Variants in TXNDC8 observed in about 807,000 individuals in gnomAD.
TXNDC8 encodes thioredoxin domain containing 8.
In TXNDC8, 15 loss-of-function variants were observed where a neutral mutation model predicts 12.9. The ratio of observed to expected loss-of-function variants is 1.16; its 90% CI spans 0.78 to 1.79. TXNDC8 has a LOEUF of 1.79. TXNDC8 is among the 40% of genes most tolerant of loss of function. The probability of loss-of-function intolerance (pLI) is 0.00; values close to 1 mark genes in which losing one functional copy is unlikely to be tolerated. For synonymous variants in TXNDC8, 40 were observed against 35.4 expected, an observed-to-expected ratio of 1.13 and a Z score of -0.46; for missense variants, 128 against 113.2, an observed-to-expected ratio of 1.13 and a Z score of -0.59.
chr9:110,325,746 C>A (rs372075954), intron 3 of TXNDC8, among the ~76,000 whole-genome samples: 10 of 152,136 alleles, frequency 6.6e-5, no homozygotes, highest in Admixed American at 2.6e-4. Flanking sequence ...GTCTCTATCT[C>A]GTGACCTTGT....
intron 3 of TXNDC8, among the ~76,000 whole-genome samples, chr9:110,310,839 G>T (rs890951807): frequency 6.6e-6 from 1 of 152,178 alleles, no homozygotes; most frequent in African/African-American, 2.4e-5. Flanking sequence ...TGGCATAGGG[G>T]TTACAAAACT....
At chr9:110,323,155 G>A in intron 3 of TXNDC8, 2 of 985,400 alleles carry the variant, frequency 2.0e-6, no homozygotes, top group Non-Finnish European at 2.4e-6. Context: ...GCTAAGTTGA[G>A]GGTGAGGAGG....
chr9:110,331,768 C>G (rs564108414), intron 2 of TXNDC8, among the ~76,000 whole-genome samples: 1 of 152,250 alleles, frequency 6.6e-6, no homozygotes, highest in East Asian at 1.9e-4. Flanking sequence ...AGGGTTTGCA[C>G]TCCTATGAAA....
downstream of TXNDC8, among the ~76,000 whole-genome samples, chr9:110,302,026 A>G (rs574725922): frequency 9.9e-5 from 15 of 151,758 alleles, no homozygotes; most frequent in Admixed American, 2.0e-4. Context: ...GTCTCGCTCT[A>G]TTATCCAGGC....
intron 3 of TXNDC8, among the ~76,000 whole-genome samples, chr9:110,305,400 T>C (rs1264666691): frequency 6.6e-6 from 1 of 152,126 alleles, no homozygotes; most frequent in Non-Finnish European, 1.5e-5. Flanking sequence ...AGTGCTACTG[T>C]GGATGTTCTT....
chr9:110,316,158 T>A lies in TXNDC8; in HGVS notation c.195+10017A>T, dbSNP rs60516312. ...TCGAACACCTGGCCTCAAAGTGATC[T>A]GCCTGCCTCGGCCTCCCAAAGTGCT... is the stretch of plus-strand genomic sequence containing the variant. On this transcript the variant is annotated intron_variant, in intron 3 of 4. Transcript: ENST00000423740. 2.7e-5 allele frequency among the ~76,000 whole-genome samples: 4 copies of A among 150,046 alleles called. No homozygotes were observed. In the East Asian group the frequency reaches 8.1e-4, roughly 30 times the overall value.
At chr9:110,325,765 C>T (rs959054238) in intron 3 of TXNDC8, among the ~76,000 whole-genome samples, 5 of 152,116 alleles carry the variant, frequency 3.3e-5, no homozygotes, top group East Asian at 3.9e-4. Flanking sequence ...GTGATCTGCC[C>T]GCCTTGGCCT....
At chr9:110,336,773 A>G (rs1454560508) in intron 1 of TXNDC8, among the ~76,000 whole-genome samples, 1 of 152,180 alleles carries the variant, frequency 6.6e-6, no homozygotes, top group Non-Finnish European at 1.5e-5. Context: ...ATAAAAAGAA[A>G]ATGAAGTAGG....
chr9:110,324,023 G>T, intron 3 of TXNDC8: 1 of 1,547,466 alleles, frequency 6.5e-7, no homozygotes, highest in South Asian at 1.2e-5. Context: ...CATGGGATAA[G>T]AATGCAAAAG....
intron 3 of TXNDC8, among the ~76,000 whole-genome samples, chr9:110,322,000 T>C (rs992720705): frequency 2.6e-5 from 4 of 152,224 alleles, no homozygotes; most frequent in African/African-American, 9.6e-5. Flanking sequence ...TCCTCCTCCT[T>C]TTTGTATCTT....
At chr9:110,322,499 T>G in intron 3 of TXNDC8, 1 of 985,410 alleles carries the variant, frequency 1.0e-6, no homozygotes, top group Non-Finnish European at 1.2e-6. Context: ...TCTCCCCAGC[T>G]TATTGAGGGC....
chr9:110,325,885 G>T (rs1322827523), intron 3 of TXNDC8, among the ~76,000 whole-genome samples: 1 of 152,142 alleles, frequency 6.6e-6, no homozygotes, highest in Admixed American at 6.5e-5. Flanking sequence ...TTTCTTGATG[G>T]TTTTGCCCCA....
chr9:110,323,754 G>A, intron 3 of TXNDC8: 1 of 1,285,412 alleles, frequency 7.8e-7, no homozygotes, highest in East Asian at 2.7e-5. Context: ...CTCTTGGCTT[G>A]ACTCTGTTTT....
At chr9:110,315,984 G>A (rs915866365) in intron 3 of TXNDC8, among the ~76,000 whole-genome samples, 2 of 151,780 alleles carry the variant, frequency 1.3e-5, no homozygotes, top group East Asian at 1.9e-4. Flanking sequence ...TGCAACCTCC[G>A]CCTCCCGGGT....
At chr9:110,330,506 T>C (rs1214050550) in intron 2 of TXNDC8, among the ~76,000 whole-genome samples, 3 of 152,236 alleles carry the variant, frequency 2.0e-5, no homozygotes, top group African/African-American at 7.2e-5. Context: ...GCACACTATA[T>C]GTAAGCCTCA....
At chr9:110,325,560 A>G (rs1587980288) in intron 3 of TXNDC8, among the ~76,000 whole-genome samples, 1 of 133,650 alleles carries the variant, frequency 7.5e-6, no homozygotes, top group South Asian at 2.3e-4. Flanking sequence ...TCTGTCGCCC[A>G]GGCTGGATGG....
At chr9:110,333,943 T>G (rs1030585975) in intron 2 of TXNDC8, among the ~76,000 whole-genome samples, 1 of 152,262 alleles carries the variant, frequency 6.6e-6, no homozygotes, top group African/African-American at 2.4e-5. Flanking sequence ...TGCTATAATA[T>G]GAAGAATCCA....
chr9:110,322,530 T>C, intron 3 of TXNDC8: 1 of 985,426 alleles, frequency 1.0e-6, no homozygotes, highest in South Asian at 4.7e-5. Flanking sequence ...CCATACAGAA[T>C]TGAGACCAAG....
chr9:110,303,985 C>T (rs940707166), intron 4 of TXNDC8, among the ~76,000 whole-genome samples: 5 of 152,166 alleles, frequency 3.3e-5, no homozygotes, highest in Admixed American at 6.5e-5. Flanking sequence ...TCCCTGACTT[C>T]TCCCCAGGTA....
Sources: allele counts gnomAD v4.1 joint callset (sites outside exome capture counted in the v4.1 genomes callset), GRCh38; gene constraint gnomAD v4.1.1; transcripts MANE v1.5; gene names NCBI Gene and HGNC (gene_info 2026-07-23, HGNC 2026-07-21).